The following COG7 variants were observed in gnomAD, a reference collection of about 807,000 sequenced individuals.
The protein encoded by COG7 is conserved oligomeric Golgi complex subunit 7.
COG7 carries 49 observed loss-of-function variants against 91.5 expected under a neutral mutation model. The ratio of observed to expected loss-of-function variants is 0.54; its 90% CI spans 0.43 to 0.68. The LOEUF (loss-of-function observed/expected upper bound fraction) is 0.68. Among genes scored for constraint, COG7 ranks in the 30% least tolerant of loss-of-function variants. COG7 has a pLI of 0.00. For missense variants in COG7, 895 were observed against 961.3 expected, an observed-to-expected ratio of 0.93 and a Z score of 0.91; for synonymous variants, 365 against 388.7, an observed-to-expected ratio of 0.94 and a Z score of 0.72.
intron 2 of COG7, among the ~76,000 whole-genome samples, chr16:23,445,537 C>T (rs1009971695): frequency 6.6e-6 from 1 of 152,096 alleles, no homozygotes; most frequent in African/African-American, 2.4e-5. Flanking sequence ...TCTGTGATCC[C>T]AGCTACTCAG....
At chr16:23,452,718 T>G in intron 1 of COG7, 108 bp downstream of exon 1, 1 of 1,494,090 alleles carries the variant, frequency 6.7e-7, no homozygotes, top group Non-Finnish European at 8.9e-7. Context: ...CGAGGGTATT[T>G]GCTGTCCATG....
chr16:23,407,454 T>A (rs775079333), intron 11 of COG7, among the ~76,000 whole-genome samples: 9 of 152,246 alleles, frequency 5.9e-5, no homozygotes, highest in Admixed American at 2.0e-4. Context: ...AGCAGAATGA[T>A]CTTCCCAGAA....
chr16:23,453,088 A>G lies in COG7; in HGVS notation c.-94T>C. On this transcript the variant is annotated 5_prime_UTR_variant, in exon 1 of 17. Transcript: ENST00000307149. ...AGCGAGCGAGCCTGCGAGAGCACCGAGGCTAGCCTCCGAGGCGAACCCCAG... is the reference window on the plus strand; with the variant it reads ...AGCGAGCGAGCCTGCGAGAGCACCGGGGCTAGCCTCCGAGGCGAACCCCAG... 1 of 1,579,706 alleles carries G rather than the reference A, an allele frequency of 6.3e-7. No homozygotes were observed. The highest frequency in any genetic ancestry group is 8.6e-7 in the Non-Finnish European group (1 of 1,161,184).
chr16:23,416,818 C>G, intron 9 of COG7, 149 bp downstream of exon 9: 1 of 859,198 alleles, frequency 1.2e-6, no homozygotes, highest in Non-Finnish European at 1.9e-6. Flanking sequence ...ACAAACAATG[C>G]CACTATGAAT....
Position 23,388,733 on chromosome 16 carries a change from T to C in COG7, c.*187A>G, listed in dbSNP as rs250588. On this transcript the variant is annotated 3_prime_UTR_variant, in exon 17 of 17. Coordinates refer to ENST00000307149, the MANE Select transcript of COG7 (RefSeq NM_153603.4). ...GTCAGGCTGGTCTCGAACTCCTGGC[T>C]TCATGATCCATCTGGCTTGGCCTCC... 0.23 allele frequency: 228,349 copies of C among 1,001,030 alleles called. 30,611 individuals carry two copies. The highest frequency in any genetic ancestry group is 0.53 in the African/African-American group (31,818 of 60,364). The allele number at this position is 1,001,030 out of a possible 1,614,324, so 62.0% of individuals were successfully genotyped here.
intron 15 of COG7, 101 bp from the exon 16 acceptor site, chr16:23,392,624 A>G: frequency 1.4e-6 from 2 of 1,428,572 alleles, no homozygotes; most frequent in Non-Finnish European, 2.0e-6. Context: ...CAAACACAGG[A>G]AACCGAAAAC....
chr16:23,411,309 G>A (rs1345676477), intron 10 of COG7, among the ~76,000 whole-genome samples: 1 of 152,202 alleles, frequency 6.6e-6, no homozygotes, highest in African/African-American at 2.4e-5. Context: ...CTTAAGTCTA[G>A]TTAACTTTTA....
chr16:23,450,661 C>G (rs1333319760), intron 1 of COG7, among the ~76,000 whole-genome samples: 2 of 151,818 alleles, frequency 1.3e-5, no homozygotes. Context: ...GACCCCATCT[C>G]TACAAAAAAT....
At chr16:23,436,991 C>T (rs955940819) in intron 4 of COG7, among the ~76,000 whole-genome samples, 6 of 152,076 alleles carry the variant, frequency 3.9e-5, no homozygotes, top group African/African-American at 1.2e-4. Context: ...AAAGTCTGGG[C>T]GCTAAGGGTG....
chr16:23,422,986 A>G (rs1013922364), intron 7 of COG7, among the ~76,000 whole-genome samples: 2 of 150,196 alleles, frequency 1.3e-5, no homozygotes, highest in Admixed American at 6.7e-5. Flanking sequence ...CAGAGGTTGC[A>G]GTGAGCCAAG....
chr16:23,394,057 G>GA (rs34646144), intron 14 of COG7, among the ~76,000 whole-genome samples: 397 of 107,208 alleles, frequency 3.7e-3, no homozygotes, highest in African/African-American at 4.4e-3. Flanking sequence ...CTCTGTCTCA[G>GA]AAAAAAAAAA....
At chr16:23,449,714 G>A (rs1318365645) in intron 1 of COG7, among the ~76,000 whole-genome samples, 2 of 145,530 alleles carry the variant, frequency 1.4e-5, no homozygotes, top group African/African-American at 5.1e-5. Context: ...GCACTCCATC[G>A]CACTCCATCC....
intron 11 of COG7, 61 bp downstream of exon 11, chr16:23,410,234 G>T: frequency 7.1e-7 from 1 of 1,411,052 alleles, no homozygotes; most frequent in Non-Finnish European, 1.0e-6. Context: ...CTGTGTACTA[G>T]ACCAAGCTCG....
At position 23,433,541 on chromosome 16, in the gene COG7, T is replaced by C. The variant is rs746355937; in HGVS notation, c.810+4A>G. 60 of 1,613,934 alleles carry C rather than the reference T, an allele frequency of 3.7e-5. No homozygotes were observed. Among genetic ancestry groups the C allele is most frequent in the Non-Finnish European group, 4.9e-5 (58 of 1,179,994 alleles). On this transcript the variant is annotated splice_donor_region_variant and intron_variant, in intron 6 of 16. Transcript: ENST00000307149. ...TTCTCCCTAGAACAAAAATGAGCTGTTACCTGTGTAGCCCACTGGATTTGT... is the reference window on the plus strand; with the variant it reads ...TTCTCCCTAGAACAAAAATGAGCTGCTACCTGTGTAGCCCACTGGATTTGT...
chr16:23,445,704 A>G lies in COG7; in HGVS notation c.318+109T>C, dbSNP rs1596957989. On this transcript the variant is annotated intron_variant, in intron 2 of 16. Transcript: ENST00000307149. ...GGAGTGCTGGGCAGAATCTTGAGTG[A>G]TGGTTGGCCTCCCAAAACACCGTGC... The G allele has an allele frequency of 5.5e-6, 6 of 1,088,848 alleles. No homozygotes were observed. The East Asian group carries it at 1.4e-4, about 26-fold the overall frequency. The allele number at this position is 1,088,848 out of a possible 1,614,324, so 67.4% of individuals were successfully genotyped here.
chr16:23,391,950 G>A, intron 16 of COG7: 1 of 1,096,166 alleles, frequency 9.1e-7, no homozygotes, highest in African/African-American at 1.6e-5. Flanking sequence ...TGATGGAGAA[G>A]AGAGCACCCA....
At chr16:23,441,468 G>C (rs980142440) in intron 4 of COG7, among the ~76,000 whole-genome samples, 1 of 152,068 alleles carries the variant, frequency 6.6e-6, no homozygotes, top group Non-Finnish European at 1.5e-5. Flanking sequence ...CCAGCTACTC[G>C]GGAGACTGAG....
intron 13 of COG7, among the ~76,000 whole-genome samples, chr16:23,401,445 G>A (rs1386582259): frequency 1.3e-5 from 2 of 152,142 alleles, no homozygotes; most frequent in Non-Finnish European, 2.9e-5. Context: ...GAAAAGGACG[G>A]GGGAAGCACC....
intron 4 of COG7, among the ~76,000 whole-genome samples, chr16:23,441,438 G>T (rs570134996): frequency 6.6e-6 from 1 of 152,136 alleles, no homozygotes; most frequent in Admixed American, 6.6e-5. Context: ...AGCCAGGTGT[G>T]GTGGCGCACG....
Sources: allele counts gnomAD v4.1 joint callset (sites outside exome capture counted in the v4.1 genomes callset), GRCh38; gene constraint gnomAD v4.1.1; transcripts MANE v1.5; gene names NCBI Gene and HGNC (gene_info 2026-07-23, HGNC 2026-07-21).